Variants in FUT8 observed in about 807,000 individuals in gnomAD.
The protein encoded by FUT8 is alpha-(1,6)-fucosyltransferase.
FUT8 carries 29 observed loss-of-function variants against 71.3 expected under a neutral mutation model. The observed-to-expected ratio is 0.41, with a 90% CI of 0.30 to 0.55. The LOEUF (loss-of-function observed/expected upper bound fraction) is 0.55. Ranked by LOEUF, FUT8 falls within the 20% of genes least tolerant of loss-of-function variation. The probability of loss-of-function intolerance (pLI) is 0.34; values close to 1 mark genes in which losing one functional copy is unlikely to be tolerated. For synonymous variants in FUT8, 254 were observed against 239.3 expected (o/e 1.06, Z -0.57); for missense variants, 544 against 702.1 (o/e 0.77, Z 2.55).
At chr14:65,507,961 A>C (rs1271384604) in intron 2 of FUT8, among the ~76,000 whole-genome samples, 2 of 151,868 alleles carry the variant, frequency 1.3e-5, no homozygotes, top group South Asian at 4.2e-4. Flanking sequence ...CTTTGCCAGC[A>C]TTGATTATTG....
the FUT8 span, among the ~76,000 whole-genome samples, chr14:65,357,229 C>T: frequency 6.6e-6 from 1 of 152,174 alleles, no homozygotes; most frequent in Non-Finnish European, 1.5e-5. Flanking sequence ...TGTCACATAG[C>T]AAGTATTATA....
intron 3 of FUT8, among the ~76,000 whole-genome samples, chr14:65,568,160 A>G (rs1196132393): frequency 6.6e-6 from 1 of 151,632 alleles, no homozygotes; most frequent in East Asian, 1.9e-4. Flanking sequence ...CGTGTTTTTC[A>G]AAGCATGTGT....
chr14:65,428,496 C>A (rs778507961), intron 1 of FUT8, among the ~76,000 whole-genome samples: 6 of 152,166 alleles, frequency 3.9e-5, no homozygotes, highest in Non-Finnish European at 7.3e-5. Context: ...GCCTCCAGAA[C>A]TGTAAGCAAT....
At chr14:65,441,528 G>T (rs2065654524) in intron 1 of FUT8, among the ~76,000 whole-genome samples, 1 of 152,006 alleles carries the variant, frequency 6.6e-6, no homozygotes, top group East Asian at 1.9e-4. Flanking sequence ...ATCACCTGAG[G>T]TTGGGAGTTC....
chr14:65,620,539 AGTT>A (rs1441975097), intron 5 of FUT8, among the ~76,000 whole-genome samples: 1 of 152,202 alleles, frequency 6.6e-6, no homozygotes, highest in African/African-American at 2.4e-5. Context: ...TTATGATCAT[AGTT>A]GTTGTTGCCC....
At position 65,724,300 on chromosome 14, in the gene FUT8, T is replaced by C; in HGVS notation, c.1236T>C (p.Ser412=). 1 of 1,607,876 alleles carries C rather than the reference T, an allele frequency of 6.2e-7. No homozygotes were observed. The highest frequency in any genetic ancestry group is 8.5e-7 in the Non-Finnish European group (1 of 1,178,148). The stretch of plus-strand genomic sequence containing the variant: ...TGTATTTGGCCACAGATGACCCTTC[T>C]TTATTAAAGGAGGCAAAAACAAAGT... ...KRVYLATDDP[S]LLKEAKTKYP... The change falls in exon 9 of 11, where the codon TCT becomes TCC. Residue 412 remains serine (S), a synonymous_variant. Transcript: ENST00000673929.
intron 7 of FUT8, among the ~76,000 whole-genome samples, chr14:65,719,643 C>G (rs188768929): frequency 1.3e-5 from 2 of 152,170 alleles, no homozygotes; most frequent in Non-Finnish European, 2.9e-5. Context: ...CAGTTTTGGT[C>G]ATTGCAGCCA....
At chr14:65,459,252 A>C (rs1349498941) in intron 2 of FUT8, among the ~76,000 whole-genome samples, 1 of 152,214 alleles carries the variant, frequency 6.6e-6, no homozygotes, top group Non-Finnish European at 1.5e-5. Context: ...TAGGGTATTT[A>C]GATTTTAAAC....
At chr14:65,421,112 G>C (rs2065286512) in intron 1 of FUT8, among the ~76,000 whole-genome samples, 1 of 147,836 alleles carries the variant, frequency 6.8e-6, no homozygotes. Context: ...AGAATTGCTT[G>C]AACCTAGAAG....
chr14:65,715,192 C>T (rs939246100), intron 7 of FUT8, among the ~76,000 whole-genome samples: 1 of 152,232 alleles, frequency 6.6e-6, no homozygotes, highest in Non-Finnish European at 1.5e-5. Flanking sequence ...TTTCCCCACT[C>T]AGTAGGATAT....
chr14:65,504,135 G>A (rs377313727), intron 2 of FUT8, among the ~76,000 whole-genome samples: 8 of 152,084 alleles, frequency 5.3e-5, no homozygotes, highest in East Asian at 1.9e-4. Context: ...TTAAAACTGC[G>A]AGGCTTTTTT....
At chr14:65,389,077 C>T in the FUT8 span, among the ~76,000 whole-genome samples, 1 of 150,886 alleles carries the variant, frequency 6.6e-6, no homozygotes, top group Admixed American at 6.6e-5. Context: ...TCCTAGCTCA[C>T]TGTAGCCTTG....
At chr14:65,645,034 T>A (rs1352554988) in intron 6 of FUT8, among the ~76,000 whole-genome samples, 2 of 152,168 alleles carry the variant, frequency 1.3e-5, no homozygotes, top group Non-Finnish European at 1.5e-5. Context: ...GACATTTGTT[T>A]ATAGTAAGAG....
intron 1 of FUT8, among the ~76,000 whole-genome samples, chr14:65,433,970 ACCT>A (rs1482230507): frequency 6.6e-6 from 1 of 152,084 alleles, no homozygotes; most frequent in Non-Finnish European, 1.5e-5. Flanking sequence ...AGCTATTTCT[ACCT>A]CTTTCAAATG....
At chr14:65,528,603 A>C (rs1481032910) in intron 2 of FUT8, among the ~76,000 whole-genome samples, 1 of 152,146 alleles carries the variant, frequency 6.6e-6, no homozygotes, top group East Asian at 1.9e-4. Context: ...CTGGTACCTC[A>C]GTTGGAAATG....
rs1893978195 is a variant in FUT8, at chr14:65,696,019, T to A, written c.836-25756T>A. Among the ~76,000 whole-genome samples the A allele has an allele frequency of 2.6e-5, 4 of 152,172 alleles. No homozygotes were observed. In the South Asian group the frequency reaches 8.3e-4, roughly 31 times the overall value. On this transcript the variant is annotated intron_variant, in intron 7 of 10. Coordinates refer to ENST00000673929, the MANE Select transcript of FUT8 (RefSeq NM_001371533.1). Reference sequence around the variant, plus strand: ...TGGGATATATAATGCCAAGACCTTATAACAGAGTATTCCTAATTTCTCTCT... The same window carrying A: ...TGGGATATATAATGCCAAGACCTTAAAACAGAGTATTCCTAATTTCTCTCT...
chr14:65,500,384 T>G (rs2066628117), intron 2 of FUT8, among the ~76,000 whole-genome samples: 1 of 152,182 alleles, frequency 6.6e-6, no homozygotes, highest in South Asian at 2.1e-4. Flanking sequence ...TTTCTTTCGG[T>G]AAAAATATCC....
chr14:65,552,446 G>A (rs1043549187), intron 2 of FUT8, among the ~76,000 whole-genome samples: 1 of 152,174 alleles, frequency 6.6e-6, no homozygotes, highest in Admixed American at 6.6e-5. Flanking sequence ...GATTTAGGTA[G>A]ATTTCTTCCA....
chr14:65,511,667 C>T (rs1446509658), intron 2 of FUT8, among the ~76,000 whole-genome samples: 2 of 152,262 alleles, frequency 1.3e-5, no homozygotes, highest in East Asian at 3.9e-4. Context: ...TCTCTTCTTA[C>T]AGTTTTTGTC....
Sources: gnomAD v4.1 joint callset for allele counts (sites outside exome capture counted in the v4.1 genomes callset) on GRCh38, gnomAD v4.1.1 for gene constraint, MANE v1.5 for transcripts, NCBI Gene and HGNC (gene_info 2026-07-23, HGNC 2026-07-21) for gene names.